The following CHODL variants were observed in gnomAD, a reference collection of about 807,000 sequenced individuals.
CHODL encodes chondrolectin.
A neutral mutation model predicts 34.5 loss-of-function variants in CHODL; 29 were observed. That is an observed-to-expected ratio of 0.84 (90% confidence interval 0.63 to 1.15). The LOEUF is 1.15. Among genes scored for constraint, CHODL ranks in the 50% most tolerant of loss-of-function variants. The probability of loss-of-function intolerance (pLI) is 0.00; values close to 1 mark genes in which losing one functional copy is unlikely to be tolerated. For synonymous variants in CHODL, 125 were observed against 116.1 expected (o/e 1.08, Z -0.49); for missense variants, 332 against 332.5 (o/e 1.00, Z 0.01).
intron 1 of CHODL, among the ~76,000 whole-genome samples, chr21:18,001,028 C>A (rs2063900582): frequency 6.6e-6 from 1 of 152,090 alleles, no homozygotes; most frequent in Non-Finnish European, 1.5e-5. Context: ...TAATCATGAT[C>A]ATCTAGTGTG....
At chr21:17,933,330 A>G (rs950567285) in intron 1 of CHODL, among the ~76,000 whole-genome samples, 2 of 152,170 alleles carry the variant, frequency 1.3e-5, no homozygotes, top group African/African-American at 4.8e-5. Flanking sequence ...ATTTCAGACT[A>G]TCATATGGGG....
At chr21:18,254,388 G>A (rs980079245) in intron 1 of CHODL, among the ~76,000 whole-genome samples, 1 of 152,184 alleles carries the variant, frequency 6.6e-6, no homozygotes, top group Non-Finnish European at 1.5e-5. Flanking sequence ...CCAAATCTAA[G>A]CTAAAATAGG....
intron 2 of CHODL, among the ~76,000 whole-genome samples, chr21:18,090,958 G>C (rs970757138): frequency 1.2e-4 from 18 of 152,134 alleles, no homozygotes; most frequent in Admixed American, 3.9e-4. Flanking sequence ...GACAAAACAG[G>C]CATCTTGAAT....
chr21:18,102,297 C>T (rs2248200), intron 2 of CHODL, among the ~76,000 whole-genome samples: 71,343 of 151,900 alleles, frequency 0.47, 17,529 homozygotes, highest in African/African-American at 0.53. Flanking sequence ...TACTTATGTC[C>T]TTTAACCTGA....
At chr21:17,982,798 C>G (rs566952062) in intron 1 of CHODL, among the ~76,000 whole-genome samples, 1 of 150,364 alleles carries the variant, frequency 6.7e-6, no homozygotes, top group East Asian at 2.0e-4. Flanking sequence ...ACCTCCGCCT[C>G]CCAGGTTCAT....
chr21:18,043,158 A>G (rs17002289), intron 2 of CHODL, among the ~76,000 whole-genome samples: 6,930 of 152,028 alleles, frequency 0.046, 525 homozygotes, highest in African/African-American at 0.16. Flanking sequence ...TATCTCTACT[A>G]TAGGGGTGTA....
chr21:18,063,651 A>G (rs1284142187), intron 2 of CHODL, among the ~76,000 whole-genome samples: 1 of 152,214 alleles, frequency 6.6e-6, no homozygotes, highest in African/African-American at 2.4e-5. Flanking sequence ...TGGTTAAAGA[A>G]TGATGAATTA....
At position 17,955,036 on chromosome 21, in the gene CHODL, G is replaced by T. The variant is rs1341671658; in HGVS notation, c.-145+37636G>T. On this transcript the variant is annotated intron_variant, in intron 1 of 6. Transcript: ENST00000400127. The stretch of plus-strand genomic sequence containing the variant: ...AGACAAGAGGAATTTATTTCTCACA[G>T]TTCTGGAGGCTGGAAAGTCCAAGAT... 2.2e-5 allele frequency among the ~76,000 whole-genome samples: 3 copies of T among 134,046 alleles called. 1 individual carries two copies. Among genetic ancestry groups the T allele is most frequent in the African/African-American group, 7.6e-5 (3 of 39,442 alleles). The allele number at this position is 134,046 out of a possible 152,430, so 87.9% of individuals were successfully genotyped here. A position where few individuals can be genotyped will look rare whatever the true frequency, so the allele number is the denominator to read the frequency against.
At chr21:17,919,967 T>C (rs1416173327) in intron 1 of CHODL, among the ~76,000 whole-genome samples, 1 of 152,194 alleles carries the variant, frequency 6.6e-6, no homozygotes, top group African/African-American at 2.4e-5. Context: ...AAGAGTCACC[T>C]TTGCTCCAGT....
In CHODL at chr21:17,980,545, G is replaced by A. The variant is rs1275843797; in HGVS notation, c.-144-47327G>A. On this transcript the variant is annotated intron_variant, in intron 1 of 6. Transcript: ENST00000400127. ...TTTCAGGCCTGTACTTGAAAACGTT[G>A]TAGTTTAAGTGCCAGGTTGTAGTTG... 3.9e-5 allele frequency among the ~76,000 whole-genome samples: 6 copies of A among 152,296 alleles called. No individual in the cohort carries two copies. The East Asian group carries it at 9.6e-4, about 24-fold the overall frequency.
At chr21:18,052,321 G>A (rs1178989765) in intron 2 of CHODL, among the ~76,000 whole-genome samples, 2 of 151,926 alleles carry the variant, frequency 1.3e-5, no homozygotes, top group African/African-American at 4.8e-5. Context: ...TTATTTTACT[G>A]ATGAGGAAGC....
chr21:18,196,810 G>C (rs1160674292), intron 2 of CHODL, among the ~76,000 whole-genome samples: 1 of 152,154 alleles, frequency 6.6e-6, no homozygotes, highest in African/African-American at 2.4e-5. Context: ...CTAGAATGGT[G>C]GTTGCTGGGG....
intron 2 of CHODL, among the ~76,000 whole-genome samples, chr21:18,114,189 A>G (rs1669913178): frequency 6.6e-6 from 1 of 152,200 alleles, no homozygotes; most frequent in African/African-American, 2.4e-5. Context: ...AACAGATACA[A>G]AAATAAAGAA....
chr21:18,076,225 C>T (rs1221440246), intron 2 of CHODL, among the ~76,000 whole-genome samples: 1 of 152,104 alleles, frequency 6.6e-6, no homozygotes, highest in East Asian at 1.9e-4. Flanking sequence ...CATGCTAGAA[C>T]AAACTTCTTA....
chr21:18,215,501 A>T (rs1186112741), intron 2 of CHODL, among the ~76,000 whole-genome samples: 1 of 151,940 alleles, frequency 6.6e-6, no homozygotes, highest in East Asian at 1.9e-4. Context: ...AATTTAGTTC[A>T]ATTCCTTGAC....
chr21:18,129,910 G>C (rs1043186792), intron 2 of CHODL, among the ~76,000 whole-genome samples: 2 of 144,260 alleles, frequency 1.4e-5, no homozygotes, highest in African/African-American at 5.5e-5. Flanking sequence ...GTGTGTGTGT[G>C]TGTGTGTGTG....
In CHODL at chr21:18,123,338, GACAA is replaced by G. The variant is rs377417967; in HGVS notation, c.-45+95374_-45+95377del. Among the ~76,000 whole-genome samples, 72 of 152,302 alleles carry G rather than the reference GACAA, an allele frequency of 4.7e-4. 1 individual carries two copies. In the South Asian group the frequency reaches 0.013, roughly 28 times the overall value. Reference sequence around the variant, plus strand: ...CTGCTCCTGTAGATACGGTTCCCCAGACAAACAAACCTTCTTATTAAGGAGACTA... The same window carrying G: ...CTGCTCCTGTAGATACGGTTCCCCAGACAAACCTTCTTATTAAGGAGACTA... On this transcript the variant is annotated intron_variant, in intron 2 of 6. Transcript: ENST00000400127.
At chr21:18,232,412 T>A (rs2073988316) in intron 2 of CHODL, among the ~76,000 whole-genome samples, 2 of 152,076 alleles carry the variant, frequency 1.3e-5, no homozygotes, top group South Asian at 4.1e-4. Flanking sequence ...AAAGATTTAG[T>A]GTCTAGTGAG....
chr21:18,200,101 T>C (rs912449699), intron 2 of CHODL, among the ~76,000 whole-genome samples: 1 of 152,200 alleles, frequency 6.6e-6, no homozygotes, highest in African/African-American at 2.4e-5. Context: ...TTGTTCTGCA[T>C]TCTTGCAGCA....
Sources: gnomAD v4.1 joint callset for allele counts (sites outside exome capture counted in the v4.1 genomes callset) on GRCh38, gnomAD v4.1.1 for gene constraint, MANE v1.5 for transcripts, NCBI Gene and HGNC (gene_info 2026-07-23, HGNC 2026-07-21) for gene names.